Variants in SLC8B1 observed in about 807,000 individuals in gnomAD.
SLC8B1 encodes the protein mitochondrial sodium/calcium exchanger protein.
In SLC8B1, 52 loss-of-function variants were observed where a neutral mutation model predicts 63.4. That is an observed-to-expected ratio of 0.82 (90% CI 0.66 to 1.03). The LOEUF (loss-of-function observed/expected upper bound fraction) is 1.03, where lower values mean the gene tolerates loss of function less well. Among genes scored for constraint, SLC8B1 ranks in the 50% least tolerant of loss-of-function variants. SLC8B1 has a pLI of 0.00. For missense variants in SLC8B1, 657 were observed against 741.7 expected (o/e 0.89, Z 1.33); for synonymous variants, 336 against 323.9 (o/e 1.04, Z -0.40).
At chr12:113,322,617 G>C (rs1956945773) in intron 2 of SLC8B1, among the ~76,000 whole-genome samples, 1 of 152,160 alleles carries the variant, frequency 6.6e-6, no homozygotes, top group Non-Finnish European at 1.5e-5. Flanking sequence ...GATGGACATA[G>C]TATGTTTGGG....
At position 113,299,396 on chromosome 12, in the gene SLC8B1, G is replaced by GT; in HGVS notation, c.*380_*381insA. 4.1e-6 allele frequency: 1 copy of GT among 244,788 alleles called. No individual in the cohort carries two copies. Among genetic ancestry groups the GT allele is most frequent in the Non-Finnish European group, 8.3e-6 (1 of 121,014 alleles). The allele number at this position is 244,788 out of a possible 1,614,324, so 15.2% of individuals were successfully genotyped here. ...CCAGAAGGCCTGAAGCCCAGGCAAGGGGAACGGGCAGTGCCTGTGCCTCGG... is the reference window on the plus strand; with the variant it reads ...CCAGAAGGCCTGAAGCCCAGGCAAGGTGGAACGGGCAGTGCCTGTGCCTCGG... On this transcript the variant is annotated 3_prime_UTR_variant, in exon 16 of 16. Transcript: ENST00000680972.
At chr12:113,331,314 G>T (rs1369122307) in intron 2 of SLC8B1, among the ~76,000 whole-genome samples, 1 of 151,668 alleles carries the variant, frequency 6.6e-6, no homozygotes, top group East Asian at 1.9e-4. Context: ...CTTGAACCCG[G>T]GAGGTGGAGG....
At chr12:113,319,455 T>A (rs1956888869) in intron 7 of SLC8B1, 1 of 209,098 alleles carries the variant, frequency 4.8e-6, no homozygotes, top group Admixed American at 5.3e-5. Flanking sequence ...CTCTGGAGTC[T>A]TTCTTCCTAC....
rs1956558631 is a variant in SLC8B1, at chr12:113,300,088, AG to A, written c.1558-115del. 15 of 791,630 alleles carry A rather than the reference AG, an allele frequency of 1.9e-5. 2 individuals are homozygous for A. In the East Asian group the frequency reaches 5.0e-4, roughly 27 times the overall value. 49.0% of individuals were successfully genotyped at this position (791,630 alleles called of 1,614,324 possible). A position where few individuals can be genotyped will look rare whatever the true frequency, so the allele number is the denominator to read the frequency against. Reference sequence around the variant, plus strand: ...AACAATGCAGCCTCAACAACAATGCAGCCTCAGCAACAATGCAGCCTCAGCA... The same window carrying A: ...AACAATGCAGCCTCAACAACAATGCACCTCAGCAACAATGCAGCCTCAGCA... On this transcript the variant is annotated intron_variant, in intron 15 of 15. Transcript: ENST00000680972.
At chr12:113,304,180 A>G in intron 15 of SLC8B1, 141 bp downstream of exon 15, 2 of 658,156 alleles carry the variant, frequency 3.0e-6, no homozygotes, top group Non-Finnish European at 5.4e-6. Context: ...ACACCCGGCC[A>G]AGATGTCCTA....
At chr12:113,332,082 C>A (rs956127948) in intron 2 of SLC8B1, among the ~76,000 whole-genome samples, 2 of 152,092 alleles carry the variant, frequency 1.3e-5, no homozygotes, top group African/African-American at 4.8e-5. Context: ...AATGCTCTTC[C>A]CCGGGGTGTC....
intron 9 of SLC8B1, 43 bp from the exon 10 acceptor site, chr12:113,316,699 T>C (rs1220573013): frequency 6.2e-7 from 1 of 1,604,528 alleles, no homozygotes; most frequent in Non-Finnish European, 8.5e-7. Flanking sequence ...TGCGGCTGAC[T>C]TGCTCTCCAG....
At chr12:113,321,454 A>C in intron 2 of SLC8B1, 106 bp from the exon 3 acceptor site, 1 of 1,472,566 alleles carries the variant, frequency 6.8e-7, no homozygotes, top group Non-Finnish European at 9.4e-7. Context: ...CTGGTCTCCA[A>C]GGCCACCATA....
At position 113,320,836 on chromosome 12, in the gene SLC8B1, G is replaced by A. The variant is rs1416962038; in HGVS notation, c.420+14C>T. On this transcript the variant is annotated intron_variant, in intron 5 of 15. Transcript: ENST00000680972. This position sits in a 1 kb window ranked among gnomAD's most constrained non-coding sequence, Gnocchi z 5.3. The stretch of plus-strand genomic sequence containing the variant: ...CCCTCCCTCCAGGGTGCAGGACACT[G>A]GACAAAAGGATACTGCCACGTTGTG... 3 of 1,598,988 alleles carry A rather than the reference G, an allele frequency of 1.9e-6. No homozygotes were observed. Among genetic ancestry groups the A allele is most frequent in the Non-Finnish European group, 2.6e-6 (3 of 1,174,144 alleles).
intron 7 of SLC8B1, 55 bp from the exon 8 acceptor site, chr12:113,319,126 A>G (rs542960564): frequency 7.3e-7 from 1 of 1,372,102 alleles, no homozygotes; most frequent in East Asian, 2.3e-5. Flanking sequence ...GGTCTAGAGA[A>G]CAACAGCTGG....
intron 2 of SLC8B1, among the ~76,000 whole-genome samples, chr12:113,332,089 T>G (rs1021496552): frequency 6.6e-6 from 1 of 151,930 alleles, no homozygotes. Flanking sequence ...TTCCCCGGGG[T>G]GTCAATGTAG....
chr12:113,307,581 A>C lies in SLC8B1; in HGVS notation c.1411+110T>G, dbSNP rs895001340. On this transcript the variant is annotated intron_variant, in intron 13 of 15. Coordinates refer to ENST00000680972, the MANE Select transcript of SLC8B1 (RefSeq NM_001358345.2). The stretch of plus-strand genomic sequence containing the variant: ...GACAGGGGACACTGCACAGGTGCAG[A>C]GGGCAGACACCCTGGACACTCCTGC... 1.4e-5 allele frequency: 18 copies of C among 1,332,964 alleles called. No individual in the cohort carries two copies. In the African/African-American group the frequency reaches 2.2e-4, roughly 16 times the overall value. 82.6% of individuals were successfully genotyped at this position (1,332,964 alleles called of 1,614,324 possible). A position where few individuals can be genotyped will look rare whatever the true frequency, so the allele number is the denominator to read the frequency against.
rs755559814 is a variant in SLC8B1, at chr12:113,306,534, G to A, written c.1453C>T (p.Arg485Trp). 3.5e-5 allele frequency: 56 copies of A among 1,613,780 alleles called. No homozygotes were observed. Among genetic ancestry groups the A allele is most frequent in the African/African-American group, 1.1e-4 (8 of 74,944 alleles). Reference protein sequence around the residue: ...DFTLARQGYPRMAFSACFGGI... With the variant: ...DFTLARQGYPWMAFSACFGGI... ...CCAAAGCAGGCGGAGAACGCCATCC[G>A]TGGGTAGCCCTGGCGAGCCAGTGTG... The change falls in exon 14 of 16, where the codon CGG becomes TGG. Residue 485 changes from arginine (R) to tryptophan (W), a missense_variant. Arg to Trp is a moderately radical substitution (Grantham distance 101). Transcript: ENST00000680972.
chr12:113,332,836 G>T lies in SLC8B1; in HGVS notation c.43C>A (p.Leu15Ile). Residue 15 changes from leucine to isoleucine, a missense_variant, in exon 2 of 16, where the codon CTT (leucine) becomes ATT (isoleucine). Leu to Ile is a conservative substitution (Grantham distance 5, BLOSUM62 2). Coordinates refer to ENST00000680972, the MANE Select transcript of SLC8B1 (RefSeq NM_001358345.2). Reference protein sequence around the residue: ...RLNLRWALSVLCVLLMAETVS... With the variant: ...RLNLRWALSVICVLLMAETVS... ...GTCTCCGCCATTAGCAGCACACAAA[G>T]CACACTCAGTGCCCAGCGCAGATTC... is the stretch of plus-strand genomic sequence containing the variant. The T allele has an allele frequency of 6.2e-7, 1 of 1,614,198 alleles. No individual in the cohort carries two copies. Among genetic ancestry groups the T allele is most frequent in the African/African-American group, 1.3e-5 (1 of 75,074 alleles).
Position 113,332,768 on chromosome 12 carries a change from G to A in SLC8B1, c.111C>T (p.Ser37=). The change falls in exon 2 of 16, where the codon AGC becomes AGT. Residue 37 remains serine (S), a synonymous_variant. Coordinates refer to ENST00000680972, the MANE Select transcript of SLC8B1 (RefSeq NM_001358345.2). ...TRGSSTGAHI[S]PQFPASGVNQ... ...TCACACCTGAAGCTGGAAACTGGGG[G>A]CTAATGTGAGCTCCTGTAGACGAGC... 1 of 1,614,096 alleles carries A rather than the reference G, an allele frequency of 6.2e-7. No homozygotes were observed. Among genetic ancestry groups the A allele is most frequent in the Non-Finnish European group, 8.5e-7 (1 of 1,180,010 alleles).
chr12:113,299,669 TCTCGTGCCCA>T lies in SLC8B1; in HGVS notation c.*98_*107del. 1 of 1,069,066 alleles carries T rather than the reference TCTCGTGCCCA, an allele frequency of 9.4e-7. No individual in the cohort carries two copies. The highest frequency in any genetic ancestry group is 1.4e-5 in the South Asian group (1 of 73,992). 66.2% of individuals were successfully genotyped at this position (1,069,066 alleles called of 1,614,324 possible). On this transcript the variant is annotated 3_prime_UTR_variant, in exon 16 of 16. Transcript: ENST00000680972. ...AGATCTCCAGCAGCAAGGGCCGCAC[TCTCGTGCCCA>T]CAAGGGCCTTGCAGAAATGCTCCGG...
chr12:113,314,502 CA>C (rs1194051920), intron 11 of SLC8B1, among the ~76,000 whole-genome samples: 1 of 152,336 alleles, frequency 6.6e-6, no homozygotes, highest in African/African-American at 2.4e-5. Context: ...AGACGTTGGA[CA>C]AGCCTGGGCG....
intron 11 of SLC8B1, among the ~76,000 whole-genome samples, chr12:113,311,536 C>T (rs999117402): frequency 1.1e-4 from 16 of 151,720 alleles, no homozygotes; most frequent in African/African-American, 3.9e-4. Flanking sequence ...GGGAGGATCA[C>T]TTGAGTCCCG....
Position 113,312,907 on chromosome 12 carries a change from T to C in SLC8B1, c.1135+2428A>G, listed in dbSNP as rs556189424. 1.1e-4 allele frequency among the ~76,000 whole-genome samples: 16 copies of C among 152,222 alleles called. No individual in the cohort carries two copies. The South Asian group carries it at 1.2e-3, about 12-fold the overall frequency. On this transcript the variant is annotated intron_variant, in intron 11 of 15. Transcript: ENST00000680972. ...GACCGAGTAAGGTGGTTTACTTTTTTTTTTCTTTTCTATTTTGAGACAGAG... is the reference window on the plus strand; with the variant it reads ...GACCGAGTAAGGTGGTTTACTTTTTCTTTTCTTTTCTATTTTGAGACAGAG...
Sources: allele counts gnomAD v4.1 joint callset (sites outside exome capture counted in the v4.1 genomes callset), GRCh38; gene constraint gnomAD v4.1.1; non-coding constraint Gnocchi (gnomAD v3.1); transcripts MANE v1.5; gene names NCBI Gene and HGNC (gene_info 2026-07-23, HGNC 2026-07-21).